Variants in C2orf49 observed in about 807,000 individuals in gnomAD.
The protein encoded by C2orf49 is tRNA-splicing ligase complex subunit ASW.
Under a neutral mutation model 20.6 loss-of-function variants are expected in C2orf49, and 11 were observed. The observed-to-expected ratio is 0.53, with a 90% CI of 0.34 to 0.88. C2orf49 has a LOEUF of 0.88. Among genes scored for constraint, C2orf49 ranks in the 40% least tolerant of loss-of-function variants. The pLI is 0.02. For synonymous variants in C2orf49, 134 were observed against 108.5 expected (o/e 1.24, Z -1.46); for missense variants, 289 against 274.2 (o/e 1.05, Z -0.38).
the C2orf49 span, among the ~76,000 whole-genome samples, chr2:105,356,859 C>T: frequency 2.0e-5 from 3 of 152,116 alleles, no homozygotes; most frequent in Non-Finnish European, 4.4e-5. Context: ...ATTTATCTTA[C>T]TTTGAGTTTA....
chr2:105,338,190 C>T (rs1399119866), intron 1 of C2orf49, among the ~76,000 whole-genome samples: 2 of 152,162 alleles, frequency 1.3e-5, no homozygotes, highest in Non-Finnish European at 1.5e-5. Context: ...TCCTGGCTCT[C>T]CATGTAGTGC....
chr2:105,357,282 G>A, the C2orf49 span, among the ~76,000 whole-genome samples: 1 of 151,744 alleles, frequency 6.6e-6, no homozygotes, highest in African/African-American at 2.4e-5. Context: ...TATAATTTCT[G>A]TTGTTCCGTC....
chr2:105,365,278 T>C, the C2orf49 span, among the ~76,000 whole-genome samples: 1 of 152,306 alleles, frequency 6.6e-6, no homozygotes, highest in African/African-American at 2.4e-5. Context: ...TACTTCCACC[T>C]AGACTACAGT....
chr2:105,362,062 A>T, the C2orf49 span, among the ~76,000 whole-genome samples: 1 of 152,342 alleles, frequency 6.6e-6, no homozygotes, highest in East Asian at 1.9e-4. Context: ...CACAATTCAC[A>T]TTCATATCTA....
In C2orf49 at chr2:105,346,022, T is replaced by A. The variant is rs747354735; in HGVS notation, c.*651T>A. 1 of 151,970 alleles carries A rather than the reference T, an allele frequency of 6.6e-6. No individual in the cohort carries two copies. Among genetic ancestry groups the A allele is most frequent in the Non-Finnish European group, 1.5e-5 (1 of 68,002 alleles). The allele number at this position is 151,970 out of a possible 1,614,324, so 9.4% of individuals were successfully genotyped here. A position where few individuals can be genotyped will look rare whatever the true frequency, so the allele number is the denominator to read the frequency against. ...TTACTCTCATTAGCCTTGTTCAGAG[T>A]CTTTGGGGGAAATTTGAGATTTTTG... is the stretch of plus-strand genomic sequence containing the variant. On this transcript the variant is annotated 3_prime_UTR_variant, in exon 4 of 4. Coordinates refer to ENST00000258457, the MANE Select transcript of C2orf49 (RefSeq NM_024093.3).
At chr2:105,342,383 T>G (rs1679695345) in intron 2 of C2orf49, among the ~76,000 whole-genome samples, 1 of 152,240 alleles carries the variant, frequency 6.6e-6, no homozygotes, top group South Asian at 2.1e-4. Flanking sequence ...AGAAAATGTC[T>G]TGGCTTTAGA....
chr2:105,365,483 GA>G, the C2orf49 span, among the ~76,000 whole-genome samples: 1 of 152,296 alleles, frequency 6.6e-6, no homozygotes, highest in Non-Finnish European at 1.5e-5. Flanking sequence ...GATGACAGAG[GA>G]AGAGCAACTC....
chr2:105,343,914 G>A (rs1404306392), intron 3 of C2orf49, among the ~76,000 whole-genome samples: 1 of 151,736 alleles, frequency 6.6e-6, no homozygotes, highest in East Asian at 1.9e-4. Context: ...ATACCTAGTA[G>A]TTTAATAGCC....
chr2:105,340,680 T>A (rs1679643324), intron 2 of C2orf49, among the ~76,000 whole-genome samples: 1 of 152,252 alleles, frequency 6.6e-6, no homozygotes, highest in South Asian at 2.1e-4. Flanking sequence ...CAAGTGATTT[T>A]TTCTTTTTTA....
At chr2:105,338,909 A>G (rs181407561) in intron 1 of C2orf49, among the ~76,000 whole-genome samples, 24 of 152,314 alleles carry the variant, frequency 1.6e-4, no homozygotes, top group African/African-American at 5.8e-4. Context: ...TATGTTTTTC[A>G]TGATGTCAAG....
At chr2:105,374,850 T>A in the C2orf49 span, among the ~76,000 whole-genome samples, 1 of 152,192 alleles carries the variant, frequency 6.6e-6, no homozygotes, top group Non-Finnish European at 1.5e-5. Flanking sequence ...CAAATCATCA[T>A]CCATTTATAC....
At chr2:105,363,578 G>A in the C2orf49 span, 8 of 1,050,748 alleles carry the variant, frequency 7.6e-6, 1 homozygote, top group East Asian at 2.6e-5. Context: ...GAAACGTCCA[G>A]TTTGTTAAGT....
chr2:105,370,424 G>A, the C2orf49 span, among the ~76,000 whole-genome samples: 1 of 152,136 alleles, frequency 6.6e-6, no homozygotes, highest in Non-Finnish European at 1.5e-5. Flanking sequence ...TGCAGGGTTG[G>A]AGACAGAATC....
the C2orf49 span, among the ~76,000 whole-genome samples, chr2:105,364,579 A>G: frequency 7.2e-5 from 11 of 152,240 alleles, no homozygotes; most frequent in Non-Finnish European, 5.9e-5. Context: ...CTCACATTCT[A>G]TTTAAAAATG....
At chr2:105,361,535 G>T in the C2orf49 span, 3 of 1,010,208 alleles carry the variant, frequency 3.0e-6, no homozygotes, top group Non-Finnish European at 4.4e-6. Context: ...AGTTTGGATT[G>T]TGTAATATGG....
chr2:105,367,504 G>GGT, the C2orf49 span: 1 of 1,489,122 alleles, frequency 6.7e-7, no homozygotes, highest in Admixed American at 2.0e-5. Context: ...AAAGAGAACT[G>GGT]ACAGACATGG....
intron 1 of C2orf49, 45 bp from the exon 2 acceptor site, chr2:105,339,532 GTTAAAA>G (rs767277979): frequency 3.2e-6 from 5 of 1,543,046 alleles, no homozygotes; most frequent in Non-Finnish European, 4.4e-6. Flanking sequence ...GTGGTTACTT[GTTAAAA>G]TTAAAAACAT....
the C2orf49 span, among the ~76,000 whole-genome samples, chr2:105,368,310 T>G: frequency 6.6e-6 from 1 of 152,186 alleles, no homozygotes; most frequent in East Asian, 1.9e-4. Context: ...CTGTACTAAG[T>G]GCTATAATTA....
Position 105,339,623 on chromosome 2 carries a change from ACAGT to A in C2orf49, c.142_145del (p.Ser48LeufsTer25). 1 of 1,603,756 alleles carries A rather than the reference ACAGT, an allele frequency of 6.2e-7. No individual in the cohort carries two copies. On this transcript the variant is annotated frameshift_variant, in exon 2 of 4. Transcript: ENST00000258457. LOFTEE classifies it high-confidence loss of function. ...GAAACTGATGTAAGAGTAAACAAAG[ACAGT>A]CTTACTGACCTTTATGTCCAACATG...
Sources: allele counts gnomAD v4.1 joint callset (sites outside exome capture counted in the v4.1 genomes callset), GRCh38; gene constraint gnomAD v4.1.1; transcripts MANE v1.5; gene names NCBI Gene and HGNC (gene_info 2026-07-23, HGNC 2026-07-21).